CNTNAP2: variants seen among roughly 807,000 people sequenced by gnomAD.
The protein encoded by CNTNAP2 is contactin-associated protein-like 2.
CNTNAP2 carries 98 observed loss-of-function variants against 155.2 expected under a neutral mutation model. The ratio of observed to expected loss-of-function variants is 0.63; its 90% CI spans 0.54 to 0.75. The LOEUF (loss-of-function observed/expected upper bound fraction) is 0.75. Among genes scored for constraint, CNTNAP2 ranks in the 30% least tolerant of loss-of-function variants. The pLI is 0.00. For synonymous variants in CNTNAP2, 651 were observed against 631.2 expected, an observed-to-expected ratio of 1.03 and a Z score of -0.47; for missense variants, 1,727 against 1,688.1, an observed-to-expected ratio of 1.02 and a Z score of -0.40.
intron 1 of CNTNAP2, among the ~76,000 whole-genome samples, chr7:146,312,562 A>C (rs1800842770): frequency 6.6e-6 from 1 of 152,320 alleles, no homozygotes; most frequent in East Asian, 1.9e-4. Flanking sequence ...TCACCAATTT[A>C]TCACTTTTCT....
intron 4 of CNTNAP2, among the ~76,000 whole-genome samples, chr7:147,057,696 C>T (rs936746706): frequency 7.9e-5 from 12 of 152,204 alleles, no homozygotes; most frequent in African/African-American, 2.9e-4. Flanking sequence ...TGGGTAAGAA[C>T]TGCTGATATA....
At chr7:147,637,313 G>C (rs13234684) in intron 12 of CNTNAP2, among the ~76,000 whole-genome samples, 5 of 152,146 alleles carry the variant, frequency 3.3e-5, no homozygotes, top group Admixed American at 6.5e-5. Context: ...GGGTTGGCAG[G>C]AGGCGTGTTC....
intron 1 of CNTNAP2, among the ~76,000 whole-genome samples, chr7:146,553,301 C>G (rs1247936343): frequency 6.6e-6 from 1 of 151,878 alleles, no homozygotes; most frequent in East Asian, 1.9e-4. Context: ...AAACTCCATT[C>G]TTTTATTTCT....
At chr7:146,413,014 T>C (rs1795888195) in intron 1 of CNTNAP2, among the ~76,000 whole-genome samples, 1 of 152,160 alleles carries the variant, frequency 6.6e-6, no homozygotes, top group Non-Finnish European at 1.5e-5. Flanking sequence ...ATGTGGCTGA[T>C]TGTCGGTGAA....
intron 10 of CNTNAP2, among the ~76,000 whole-genome samples, chr7:147,433,495 G>A (rs1287150447): frequency 2.6e-5 from 4 of 152,160 alleles, no homozygotes; most frequent in African/African-American, 9.7e-5. Flanking sequence ...TTGGTGATAA[G>A]AGTGAAGACT....
At chr7:147,732,564 G>T (rs1472967411) in intron 13 of CNTNAP2, among the ~76,000 whole-genome samples, 1 of 151,998 alleles carries the variant, frequency 6.6e-6, no homozygotes, top group African/African-American at 2.4e-5. Context: ...TAATGGGATG[G>T]CTGGGTCAAA....
intron 1 of CNTNAP2, among the ~76,000 whole-genome samples, chr7:146,201,411 G>T (rs1035267269): frequency 6.6e-6 from 1 of 152,118 alleles, no homozygotes; most frequent in Admixed American, 6.5e-5. Flanking sequence ...ATAACATTCA[G>T]AGATGATTAT....
intron 10 of CNTNAP2, among the ~76,000 whole-genome samples, chr7:147,455,563 A>T (rs932241497): frequency 3.9e-5 from 6 of 152,158 alleles, no homozygotes; most frequent in African/African-American, 1.2e-4. Context: ...TGGAAGCTAG[A>T]ATAACATTAT....
intron 8 of CNTNAP2, among the ~76,000 whole-genome samples, chr7:147,171,897 T>C (rs1802235224): frequency 6.6e-6 from 1 of 152,066 alleles, no homozygotes; most frequent in Non-Finnish European, 1.5e-5. Context: ...TGAAATATGT[T>C]CTATGAAAAA....
At chr7:148,007,782 A>G (rs10240221) in intron 15 of CNTNAP2, among the ~76,000 whole-genome samples, 110,426 of 152,026 alleles carry the variant, frequency 0.73, 40,564 homozygotes, top group East Asian at 0.85. Flanking sequence ...TCAACCCTGG[A>G]TTTACTTGCA....
At chr7:146,529,271 A>C (rs1797734328) in intron 1 of CNTNAP2, among the ~76,000 whole-genome samples, 1 of 152,186 alleles carries the variant, frequency 6.6e-6, no homozygotes, top group African/African-American at 2.4e-5. Flanking sequence ...AAAATATATG[A>C]AAGTAAAAGG....
chr7:148,335,806 T>C (rs141805049), intron 21 of CNTNAP2, among the ~76,000 whole-genome samples: 56 of 152,362 alleles, frequency 3.7e-4, no homozygotes, highest in African/African-American at 1.3e-3. Context: ...TAACATTGCC[T>C]TAGCCTTTTT....
intron 18 of CNTNAP2, among the ~76,000 whole-genome samples, chr7:148,180,624 T>A (rs528044724): frequency 1.3e-5 from 2 of 152,094 alleles, no homozygotes; most frequent in Non-Finnish European, 2.9e-5. Context: ...AGATGGTGGA[T>A]TCCTTTACCT....
chr7:146,755,327 A>G (rs1039636754), intron 1 of CNTNAP2, among the ~76,000 whole-genome samples: 7 of 152,054 alleles, frequency 4.6e-5, no homozygotes, highest in Non-Finnish European at 1.0e-4. Flanking sequence ...TCAAAAGTGT[A>G]TGTGTGAATA....
intron 1 of CNTNAP2, among the ~76,000 whole-genome samples, chr7:146,424,304 T>C (rs1240989671): frequency 6.6e-6 from 1 of 152,158 alleles, no homozygotes; most frequent in African/African-American, 2.4e-5. Flanking sequence ...ACGGCTATGA[T>C]TGATTACAGC....
chr7:148,318,032 T>C (rs940312784), intron 21 of CNTNAP2, among the ~76,000 whole-genome samples: 30 of 152,240 alleles, frequency 2.0e-4, no homozygotes, highest in African/African-American at 7.0e-4. Flanking sequence ...GTGGCAAGCA[T>C]GCTTCTTTAT....
intron 8 of CNTNAP2, among the ~76,000 whole-genome samples, chr7:147,227,053 A>G (rs1803563647): frequency 1.3e-5 from 2 of 152,196 alleles, no homozygotes; most frequent in Non-Finnish European, 2.9e-5. Context: ...AAGGGGAGTG[A>G]AATATACTGG....
chr7:147,729,388 G>A (rs141918451), intron 13 of CNTNAP2, among the ~76,000 whole-genome samples: 2,160 of 144,770 alleles, frequency 0.015, 103 homozygotes, highest in Admixed American at 0.096. Flanking sequence ...AGGGCCTCCC[G>A]CTCTAATAAG....
At chr7:147,377,344 C>T (rs1796452720) in intron 9 of CNTNAP2, among the ~76,000 whole-genome samples, 1 of 151,702 alleles carries the variant, frequency 6.6e-6, no homozygotes, top group South Asian at 2.1e-4. Flanking sequence ...TCTAATCACA[C>T]CCTATCATGC....
Sources: allele counts gnomAD v4.1 joint callset (sites outside exome capture counted in the v4.1 genomes callset), GRCh38; gene constraint gnomAD v4.1.1; transcripts MANE v1.5; gene names NCBI Gene and HGNC (gene_info 2026-07-23, HGNC 2026-07-21).